DGKB: variants seen among roughly 807,000 people sequenced by gnomAD.
DGKB encodes diacylglycerol kinase beta.
Under a neutral mutation model 114.3 loss-of-function variants are expected in DGKB, and 67 were observed. The observed-to-expected ratio is 0.59, with a 90% CI of 0.48 to 0.72. DGKB has a LOEUF of 0.72. Among genes scored for constraint, DGKB ranks in the 30% least tolerant of loss-of-function variants. The probability of loss-of-function intolerance (pLI) is 0.00; values close to 1 mark genes in which losing one functional copy is unlikely to be tolerated. For synonymous variants in DGKB, 398 were observed against 323.1 expected, an observed-to-expected ratio of 1.23 and a Z score of -2.49; for missense variants, 907 against 975.2, an observed-to-expected ratio of 0.93 and a Z score of 0.93.
At chr7:14,641,940 T>C (rs182478979) in intron 13 of DGKB, among the ~76,000 whole-genome samples, 65 of 152,208 alleles carry the variant, frequency 4.3e-4, no homozygotes, top group African/African-American at 1.5e-3. Context: ...GTGACGTAGG[T>C]TCTTTTTCAT....
At chr7:14,295,030 T>C (rs1272982215) in intron 23 of DGKB, among the ~76,000 whole-genome samples, 1 of 152,162 alleles carries the variant, frequency 6.6e-6, no homozygotes, top group Admixed American at 6.6e-5. Flanking sequence ...GTATCAAACT[T>C]CTTCCTTTGT....
chr7:14,327,938 G>A (rs1292264450), intron 23 of DGKB, among the ~76,000 whole-genome samples: 1 of 151,942 alleles, frequency 6.6e-6, no homozygotes, highest in Non-Finnish European at 1.5e-5. Context: ...CTTATTTCAT[G>A]GCAAAAACAT....
rs144825554 is a variant in DGKB at position 14,715,430 on chromosome 7, C to G, written c.466+3112G>C. On this transcript the variant is annotated intron_variant, in intron 6 of 25. Transcript: ENST00000402815. ...AGCACTTGAAGTTAGAAGGGCAAAT[C>G]AGCCCTGAGACCATGTCCTTGTTCA... Among the ~76,000 whole-genome samples the G allele has an allele frequency of 5.9e-5, 9 of 152,172 alleles. No individual in the cohort carries two copies. The East Asian group carries it at 1.7e-3, about 29-fold the overall frequency.
At chr7:14,230,028 T>C (rs922790856) in intron 23 of DGKB, among the ~76,000 whole-genome samples, 9 of 151,928 alleles carry the variant, frequency 5.9e-5, no homozygotes, top group African/African-American at 1.7e-4. Flanking sequence ...CGAAAAAGAG[T>C]TGGTCTTTGG....
At chr7:14,439,735 GT>G (rs1829795203) in intron 21 of DGKB, among the ~76,000 whole-genome samples, 1 of 151,818 alleles carries the variant, frequency 6.6e-6, no homozygotes, top group African/African-American at 2.4e-5. Flanking sequence ...ATGGTGGCAG[GT>G]GCCTGTAATC....
chr7:14,305,225 C>T lies in DGKB; in HGVS notation c.2122+33290G>A, dbSNP rs772030292. 7.0e-4 allele frequency among the ~76,000 whole-genome samples: 107 copies of T among 152,078 alleles called. 1 individual carries two copies. In the Middle Eastern group the frequency reaches 0.017, roughly 24 times the overall value. ...CCTACTGTGCTATTGAACACTAGAA[C>T]GTATTCCTTCTAACTGTATTTTTGT... On this transcript the variant is annotated intron_variant, in intron 23 of 25. Coordinates refer to ENST00000402815, the MANE Select transcript of DGKB (RefSeq NM_001350709.2).
At chr7:14,296,127 G>A (rs1317023457) in intron 23 of DGKB, among the ~76,000 whole-genome samples, 2 of 151,660 alleles carry the variant, frequency 1.3e-5, no homozygotes, top group Non-Finnish European at 2.9e-5. Context: ...CACCTCCCAG[G>A]TTCAAGCAAT....
At chr7:14,767,363 A>T (rs1836617835) in intron 2 of DGKB, among the ~76,000 whole-genome samples, 1 of 151,834 alleles carries the variant, frequency 6.6e-6, no homozygotes, top group African/African-American at 2.4e-5. Flanking sequence ...CTTAATTACC[A>T]TTCACTATTT....
At chr7:14,487,719 G>C (rs1315982214) in intron 20 of DGKB, among the ~76,000 whole-genome samples, 1 of 149,116 alleles carries the variant, frequency 6.7e-6, no homozygotes, top group Non-Finnish European at 1.5e-5. Context: ...CTCTTGCCTT[G>C]ACCCCTCGAG....
intron 2 of DGKB, among the ~76,000 whole-genome samples, chr7:14,786,532 C>G (rs1173088085): frequency 6.6e-6 from 1 of 152,214 alleles, no homozygotes; most frequent in African/African-American, 2.4e-5. Context: ...GAACCAGGAA[C>G]AGGCGGAAGG....
intron 20 of DGKB, among the ~76,000 whole-genome samples, chr7:14,505,675 G>T (rs1031717031): frequency 2.6e-5 from 4 of 151,984 alleles, no homozygotes; most frequent in Non-Finnish European, 5.9e-5. Context: ...ACACCTTTAG[G>T]CTCTTTGTGA....
intron 21 of DGKB, among the ~76,000 whole-genome samples, chr7:14,423,701 T>TGTTAACAGA (rs1269887984): frequency 6.6e-6 from 1 of 152,108 alleles, no homozygotes; most frequent in Non-Finnish European, 1.5e-5. Context: ...CAGAGATAAT[T>TGTTAACAGA]GATATTTCAC....
intron 23 of DGKB, among the ~76,000 whole-genome samples, chr7:14,290,303 G>T (rs1254200593): frequency 6.6e-6 from 1 of 152,040 alleles, no homozygotes. Context: ...GAGAATGACT[G>T]ATTGAAATTT....
intron 1 of DGKB, among the ~76,000 whole-genome samples, chr7:14,919,755 C>T (rs938635444): frequency 1.3e-5 from 2 of 152,184 alleles, no homozygotes; most frequent in Admixed American, 1.3e-4. Context: ...GGGTGTATCT[C>T]TCATGAATGG....
intron 16 of DGKB, among the ~76,000 whole-genome samples, chr7:14,611,916 G>A (rs1375789209): frequency 6.6e-6 from 1 of 151,274 alleles, no homozygotes; most frequent in Non-Finnish European, 1.5e-5. Flanking sequence ...ATCCTTTGTG[G>A]AAAGTTTTCT....
At chr7:14,678,675 T>G (rs1443141763) in intron 12 of DGKB, among the ~76,000 whole-genome samples, 1 of 152,020 alleles carries the variant, frequency 6.6e-6, no homozygotes, top group Admixed American at 6.6e-5. Context: ...AGAAGGCATA[T>G]AACAAACTAG....
intron 13 of DGKB, among the ~76,000 whole-genome samples, chr7:14,665,989 A>T (rs1200412260): frequency 6.6e-6 from 1 of 152,030 alleles, no homozygotes; most frequent in Non-Finnish European, 1.5e-5. Flanking sequence ...AAGCCATTGC[A>T]GAGAAACAGA....
chr7:14,227,706 G>A (rs950064912), intron 23 of DGKB, among the ~76,000 whole-genome samples: 17 of 151,832 alleles, frequency 1.1e-4, no homozygotes, highest in African/African-American at 3.6e-4. Flanking sequence ...TGGAACAAGG[G>A]CACATAATGG....
chr7:14,788,941 A>T (rs1466663563), intron 2 of DGKB, among the ~76,000 whole-genome samples: 1 of 152,182 alleles, frequency 6.6e-6, no homozygotes, highest in Non-Finnish European at 1.5e-5. Flanking sequence ...GGTGGGAGGC[A>T]GCACAGATAA....
Sources: gnomAD v4.1 joint callset for allele counts (sites outside exome capture counted in the v4.1 genomes callset) on GRCh38, gnomAD v4.1.1 for gene constraint, MANE v1.5 for transcripts, NCBI Gene and HGNC (gene_info 2026-07-23, HGNC 2026-07-21) for gene names.